The following SFI1 variants were observed in gnomAD, a reference collection of about 807,000 sequenced individuals.
The protein encoded by SFI1 is SFI1 centrin binding protein.
SFI1 carries 195 observed loss-of-function variants against 207.5 expected under a neutral mutation model. The ratio of observed to expected loss-of-function variants is 0.94; its 90% CI spans 0.84 to 1.06. The LOEUF (loss-of-function observed/expected upper bound fraction) is 1.06, where lower values mean the gene tolerates loss of function less well. Ranked by LOEUF, SFI1 falls within the 50% of genes least tolerant of loss-of-function variation. The pLI is 0.00. For missense variants in SFI1, 1,634 were observed against 1,588.0 expected, an observed-to-expected ratio of 1.03 and a Z score of -0.49; for synonymous variants, 630 against 598.9, an observed-to-expected ratio of 1.05 and a Z score of -0.76.
chr22:31,551,024 C>G (rs994095910), intron 6 of SFI1, among the ~76,000 whole-genome samples: 1 of 152,148 alleles, frequency 6.6e-6, no homozygotes, highest in Non-Finnish European at 1.5e-5. Flanking sequence ...CTCATGTCAT[C>G]ACTTACCTAA....
rs1414430738 is a variant in SFI1 at position 31,613,497 on chromosome 22, C to G, written c.2709C>G (p.Ser903=). The part of the protein sequence containing the change: ...LLRFAASMKA[S]RQQLQAQQQV... Reference sequence around the variant, plus strand: ...GCTTTGCAGCCAGCATGAAGGCCTCCCGGCAGCAGCTGCAGGCCCAGCAGC... The same window carrying G: ...GCTTTGCAGCCAGCATGAAGGCCTCGCGGCAGCAGCTGCAGGCCCAGCAGC... Residue 903 remains serine, a synonymous_variant, in exon 26 of 33, where the codon TCC becomes TCG. Transcript: ENST00000400288. 2 of 1,593,516 alleles carry G rather than the reference C, an allele frequency of 1.3e-6. No homozygotes were observed. The highest frequency in any genetic ancestry group is 1.7e-6 in the Non-Finnish European group (2 of 1,175,038).
chr22:31,588,790 C>CA (rs1333501036), intron 14 of SFI1, among the ~76,000 whole-genome samples: 1 of 142,892 alleles, frequency 7.0e-6, no homozygotes, highest in Admixed American at 7.2e-5. Flanking sequence ...TCCAGCCTGG[C>CA]AACAGAGTGA....
chr22:31,565,504 C>G (rs1170771697), intron 8 of SFI1, among the ~76,000 whole-genome samples: 1 of 146,898 alleles, frequency 6.8e-6, no homozygotes, highest in African/African-American at 2.5e-5. Context: ...CAAGACCAGA[C>G]TAGGCAACAT....
At chr22:31,579,915 A>T (rs1300152841) in intron 11 of SFI1, among the ~76,000 whole-genome samples, 2 of 152,234 alleles carry the variant, frequency 1.3e-5, no homozygotes, top group Admixed American at 1.3e-4. Flanking sequence ...CACCACAGAC[A>T]AAAAGTCTGT....
At chr22:31,602,458 G>A in intron 16 of SFI1, 149 bp from the exon 17 acceptor site, 2 of 1,116,958 alleles carry the variant, frequency 1.8e-6, no homozygotes, top group Non-Finnish European at 1.3e-6. Flanking sequence ...TTTCTCAGTG[G>A]AGCCTACAGA....
At chr22:31,517,855 G>T (rs1257618280) in intron 2 of SFI1, among the ~76,000 whole-genome samples, 3 of 152,114 alleles carry the variant, frequency 2.0e-5, no homozygotes, top group African/African-American at 7.2e-5. Flanking sequence ...CGATAAGCCT[G>T]ATATCTAAGT....
intron 1 of SFI1, among the ~76,000 whole-genome samples, chr22:31,500,277 CAAAAAAAA>C (rs150915256): frequency 2.0e-5 from 2 of 98,442 alleles, no homozygotes; most frequent in African/African-American, 7.7e-5. Context: ...GACTCTGTCT[CAAAAAAAA>C]AAAAAAAAAA....
intron 12 of SFI1, among the ~76,000 whole-genome samples, chr22:31,581,979 CAG>C (rs2064239052): frequency 6.6e-6 from 1 of 151,432 alleles, no homozygotes; most frequent in Admixed American, 6.6e-5. Flanking sequence ...AGAAAAGTAA[CAG>C]TGATTCCCTA....
intron 15 of SFI1, among the ~76,000 whole-genome samples, chr22:31,589,790 A>T (rs59686262): frequency 0.92 from 138,423 of 150,332 alleles, 63,310 homozygotes; most frequent in East Asian, 0.98. Flanking sequence ...TTATTTATTT[A>T]TTTTTTTTGT....
At chr22:31,539,089 A>G (rs2059249977) in intron 4 of SFI1, among the ~76,000 whole-genome samples, 2 of 152,122 alleles carry the variant, frequency 1.3e-5, no homozygotes, top group Admixed American at 6.6e-5. Flanking sequence ...TCACACCCCA[A>G]TTTAAAATGC....
In SFI1 at chr22:31,505,949, G is replaced by A. The variant is rs371446534; in HGVS notation, c.-30-2306G>A. Among the ~76,000 whole-genome samples the A allele has an allele frequency of 2.6e-4, 40 of 152,156 alleles. 3 individuals carry two copies. The highest frequency in any genetic ancestry group is 1.5e-3 in the Admixed American group (23 of 15,274). ...GCCTGTAATCGTAACACTTTGGGAG[G>A]CTGAGGTGGGAGGATCACCTGAGCC... On this transcript the variant is annotated intron_variant, in intron 1 of 32. Coordinates refer to ENST00000400288, the MANE Select transcript of SFI1 (RefSeq NM_001007467.3).
intron 17 of SFI1, 150 bp from the exon 18 acceptor site, chr22:31,603,594 A>G: frequency 1.8e-6 from 1 of 555,756 alleles, no homozygotes; most frequent in Non-Finnish European, 2.9e-6. Flanking sequence ...CTTTTTTCTG[A>G]GACTGCAAGT....
intron 15 of SFI1, 30 bp from the exon 16 acceptor site, chr22:31,602,182 A>T (rs779535323): frequency 6.4e-7 from 1 of 1,564,710 alleles, no homozygotes; most frequent in Non-Finnish European, 8.8e-7. Flanking sequence ...TGTTTGTTTT[A>T]AGTGCTTTAC....
rs115354413 is a variant in SFI1, at chr22:31,548,210, G to A, written c.449+1239G>A. Reference sequence around the variant, plus strand: ...ACTCCAGCCTGGGCAACAGTGGAGCGAGACTCCATCTCAGAAAATAAGTAA... The same window carrying A: ...ACTCCAGCCTGGGCAACAGTGGAGCAAGACTCCATCTCAGAAAATAAGTAA... On this transcript the variant is annotated intron_variant, in intron 5 of 32. Coordinates refer to ENST00000400288, the MANE Select transcript of SFI1 (RefSeq NM_001007467.3). Among the ~76,000 whole-genome samples, 746 of 150,358 alleles carry A rather than the reference G, an allele frequency of 5.0e-3. 6 individuals carry two copies. Among genetic ancestry groups the A allele is most frequent in the African/African-American group, 0.017 (708 of 40,984 alleles).
chr22:31,589,717 ATTGATTT>A lies in SFI1; in HGVS notation c.1544+141_1544+147del, dbSNP rs1205529181. On this transcript the variant is annotated intron_variant, in intron 15 of 32. Coordinates refer to ENST00000400288, the MANE Select transcript of SFI1 (RefSeq NM_001007467.3). Reference sequence around the variant, plus strand: ...CCTGGATTTTCAGTAATGTGGGCTCATTGATTTCATCTAGCAGGAAAAGACAAGACAG... The same window carrying A: ...CCTGGATTTTCAGTAATGTGGGCTCACATCTAGCAGGAAAAGACAAGACAG... 13 of 773,526 alleles carry A rather than the reference ATTGATTT, an allele frequency of 1.7e-5. No individual in the cohort carries two copies. In the East Asian group the frequency reaches 3.9e-4, roughly 23 times the overall value. The allele number at this position is 773,526 out of a possible 1,614,324, so 47.9% of individuals were successfully genotyped here.
intron 20 of SFI1, 142 bp from the exon 21 acceptor site, chr22:31,606,186 C>T (rs2068936323): frequency 2.8e-6 from 2 of 712,384 alleles, no homozygotes; most frequent in Non-Finnish European, 4.8e-6. Context: ...TGCAAGTAAA[C>T]ATAGGTGTTG....
chr22:31,528,165 G>A (rs188609722), intron 2 of SFI1, among the ~76,000 whole-genome samples: 35 of 150,914 alleles, frequency 2.3e-4, no homozygotes, highest in Admixed American at 9.2e-4. Flanking sequence ...CATGCCTGTA[G>A]TGTCAGCTAC....
At chr22:31,556,899 A>G (rs1447774095) in intron 6 of SFI1, 43 bp from the exon 7 acceptor site, 6 of 1,368,204 alleles carry the variant, frequency 4.4e-6, no homozygotes, top group Non-Finnish European at 6.1e-6. Flanking sequence ...AGAGTAATCC[A>G]TCTCTCCCCA....
chr22:31,542,836 A>G (rs2059687546), intron 4 of SFI1, among the ~76,000 whole-genome samples: 1 of 151,046 alleles, frequency 6.6e-6, no homozygotes, highest in Non-Finnish European at 1.5e-5. Flanking sequence ...TAATTTTTGT[A>G]TTTTTGGTAG....
Sources: gnomAD v4.1 joint callset for allele counts (sites outside exome capture counted in the v4.1 genomes callset) on GRCh38, gnomAD v4.1.1 for gene constraint, MANE v1.5 for transcripts, NCBI Gene and HGNC (gene_info 2026-07-23, HGNC 2026-07-21) for gene names.